The following ATP6V1B2 variants were observed in gnomAD, a reference collection of about 807,000 sequenced individuals.
ATP6V1B2 encodes ATPase H+ transporting V1 subunit B2, also known as V-type proton ATPase subunit B, brain isoform.
In ATP6V1B2, 23 loss-of-function variants were observed where a neutral mutation model predicts 66.7. The observed-to-expected ratio is 0.34, with a 90% confidence interval of 0.25 to 0.49. The LOEUF (loss-of-function observed/expected upper bound fraction) is 0.49. ATP6V1B2 is among the 20% of genes least tolerant of loss of function. ATP6V1B2 has a pLI of 0.99. For missense variants in ATP6V1B2, 478 were observed against 650.8 expected, an observed-to-expected ratio of 0.73 and a Z score of 2.89; for synonymous variants, 278 against 236.7, an observed-to-expected ratio of 1.17 and a Z score of -1.60.
At chr8:20,200,393 T>C (rs1360856024) in intron 1 of ATP6V1B2, among the ~76,000 whole-genome samples, 2 of 152,146 alleles carry the variant, frequency 1.3e-5, no homozygotes, top group Non-Finnish European at 1.5e-5. Flanking sequence ...GCCTGACACA[T>C]AGAATGTGCC....
intron 1 of ATP6V1B2, among the ~76,000 whole-genome samples, chr8:20,199,248 G>T (rs2072659317): frequency 6.6e-6 from 1 of 152,132 alleles, no homozygotes; most frequent in African/African-American, 2.4e-5. Context: ...TGTAGCATAG[G>T]GCTTCACACT....
At chr8:20,198,014 C>T (rs1430794315) in intron 1 of ATP6V1B2, among the ~76,000 whole-genome samples, 1 of 152,240 alleles carries the variant, frequency 6.6e-6, no homozygotes, top group African/African-American at 2.4e-5. Flanking sequence ...CTGACGTGGT[C>T]AGGCCTTTCG....
chr8:20,220,148 C>T, intron 13 of ATP6V1B2, 115 bp from the exon 14 acceptor site: 1 of 1,132,844 alleles, frequency 8.8e-7, no homozygotes. Flanking sequence ...GGAGTCCCAA[C>T]TTTTTTTTTT....
Position 20,220,528 on chromosome 8 carries a change from A to G in ATP6V1B2, c.*126A>G. The G allele has an allele frequency of 7.6e-7, 1 of 1,313,604 alleles. No individual in the cohort carries two copies. Among genetic ancestry groups the G allele is most frequent in the African/African-American group, 1.5e-5 (1 of 66,132 alleles). 81.4% of individuals were successfully genotyped at this position (1,313,604 alleles called of 1,614,324 possible). ...TGTTACCCTGTAATTAAAAACAAAG[A>G]ATAGGTAACATATTGTGCCAGTGTT... is the stretch of plus-strand genomic sequence containing the variant. On this transcript the variant is annotated 3_prime_UTR_variant, in exon 14 of 14. Coordinates refer to ENST00000276390, the MANE Select transcript of ATP6V1B2 (RefSeq NM_001693.4).
chr8:20,216,254 A>G, intron 10 of ATP6V1B2, 159 bp from the exon 11 acceptor site: 1 of 596,998 alleles, frequency 1.7e-6, no homozygotes, highest in Non-Finnish European at 3.0e-6. Flanking sequence ...GACACAGAAC[A>G]TTGGCAGCAT....
chr8:20,220,264 T>G lies in ATP6V1B2; in HGVS notation c.1398T>G (p.Gly466=). The part of the protein sequence containing the change: ...QKFERNFIAQ[G]PYENRTVFET... ...TTAATTCAATCTCAATTTTTTAAGG[T>G]CCTTACGAAAATCGCACTGTCTTTG... The change falls in exon 14 of 14, where the codon GGT becomes GGG. Residue 466 remains glycine, a splice_region_variant and synonymous_variant. Coordinates refer to ENST00000276390, the MANE Select transcript of ATP6V1B2 (RefSeq NM_001693.4). 6.2e-7 allele frequency: 1 copy of G among 1,601,822 alleles called. No homozygotes were observed. The highest frequency in any genetic ancestry group is 8.5e-7 in the Non-Finnish European group (1 of 1,176,508).
chr8:20,204,309 A>G (rs1428246659), intron 1 of ATP6V1B2, among the ~76,000 whole-genome samples, 175 bp from the exon 2 acceptor site: 1 of 152,236 alleles, frequency 6.6e-6, no homozygotes, highest in African/African-American at 2.4e-5. Flanking sequence ...GGATTATGAA[A>G]AGTTGTATAG....
chr8:20,201,933 G>A (rs1563802101), intron 1 of ATP6V1B2, among the ~76,000 whole-genome samples: 1 of 152,124 alleles, frequency 6.6e-6, no homozygotes, highest in Non-Finnish European at 1.5e-5. Flanking sequence ...GAATGCAGGG[G>A]CACTAGCTCA....
chr8:20,207,909 A>G (rs1381374822), intron 2 of ATP6V1B2, among the ~76,000 whole-genome samples: 1 of 152,236 alleles, frequency 6.6e-6, no homozygotes, highest in African/African-American at 2.4e-5. Context: ...TTCATAGGAA[A>G]TGAAGTCTGA....
chr8:20,212,561 C>T (rs537137863), intron 8 of ATP6V1B2, among the ~76,000 whole-genome samples: 13 of 152,280 alleles, frequency 8.5e-5, no homozygotes, highest in Admixed American at 1.3e-4. Flanking sequence ...GCCTGCCCCA[C>T]CCCAGTGTTG....
At chr8:20,214,068 G>A (rs928057979) in intron 9 of ATP6V1B2, 1 of 152,122 alleles carries the variant, frequency 6.6e-6, no homozygotes, top group Admixed American at 6.6e-5. Flanking sequence ...GATAACAGTT[G>A]GTCTGCAGAC....
At chr8:20,215,955 A>G (rs2128886493) in intron 10 of ATP6V1B2, 1 of 153,390 alleles carries the variant, frequency 6.5e-6, no homozygotes, top group East Asian at 1.9e-4. Flanking sequence ...AAATTTCTAT[A>G]AGGGAACTTT....
intron 2 of ATP6V1B2, among the ~76,000 whole-genome samples, chr8:20,206,475 T>G (rs902184552): frequency 6.6e-6 from 1 of 152,194 alleles, no homozygotes; most frequent in African/African-American, 2.4e-5. Flanking sequence ...GTTACAGAAC[T>G]CAGGAAAACC....
In ATP6V1B2 at chr8:20,197,700, T is replaced by C. The variant is rs2072643097; in HGVS notation, c.136+158T>C. Reference sequence around the variant, plus strand: ...CCACTTGTCTCTTTAGAAGGAGATTTGCCTGTACCTAATATTTCCAGGAGA... The same window carrying C: ...CCACTTGTCTCTTTAGAAGGAGATTCGCCTGTACCTAATATTTCCAGGAGA... On this transcript the variant is annotated intron_variant, in intron 1 of 13. Transcript: ENST00000276390. Among the ~76,000 whole-genome samples the C allele has an allele frequency of 3.9e-5, 6 of 152,324 alleles. No homozygotes were observed. The South Asian group carries it at 1.2e-3, about 32-fold the overall frequency.
In ATP6V1B2 at chr8:20,212,844, G is replaced by A; in HGVS notation, c.866G>A (p.Cys289Tyr). 1 of 1,613,770 alleles carries A rather than the reference G, an allele frequency of 6.2e-7. No individual in the cohort carries two copies. Among genetic ancestry groups the A allele is most frequent in the Non-Finnish European group, 8.5e-7 (1 of 1,179,770 alleles). ...ACAGCTGAATTTCTGGCGTACCAAT[G>A]TGAGAAACATGTATTGGTTATTCTA... ...LTTAEFLAYQ[C>Y]EKHVLVILTD... is the part of the protein sequence containing the mutation. The change falls in exon 9 of 14, where the codon TGT becomes TAT. Residue 289 changes from cysteine to tyrosine, a missense_variant. Cys to Tyr is a radical substitution (Grantham distance 194). Around this residue, in one of 2 missense-constraint regions of ATP6V1B2, gnomAD observed 326 missense variants for 545.6 expected, o/e 0.60. Coordinates refer to ENST00000276390, the MANE Select transcript of ATP6V1B2 (RefSeq NM_001693.4).
chr8:20,220,178 T>G, intron 13 of ATP6V1B2, 85 bp from the exon 14 acceptor site: 1 of 1,458,650 alleles, frequency 6.9e-7, no homozygotes, highest in Non-Finnish European at 9.2e-7. Flanking sequence ...TTTAATACAC[T>G]GCTAGTCATA....
intron 2 of ATP6V1B2, among the ~76,000 whole-genome samples, chr8:20,207,088 C>T (rs185303197): frequency 6.6e-6 from 1 of 152,174 alleles, no homozygotes; most frequent in Admixed American, 6.5e-5. Context: ...TAACTATTTA[C>T]AGAAAACTAT....
At chr8:20,201,946 T>C (rs1039448582) in intron 1 of ATP6V1B2, among the ~76,000 whole-genome samples, 3 of 152,040 alleles carry the variant, frequency 2.0e-5, no homozygotes. Context: ...CTAGCTCAGG[T>C]CTCTCTTCCT....
rs1022342365 is a variant in ATP6V1B2, at chr8:20,197,396, G to T, written c.-11G>T. On this transcript the variant is annotated 5_prime_UTR_variant, in exon 1 of 14. Coordinates refer to ENST00000276390, the MANE Select transcript of ATP6V1B2 (RefSeq NM_001693.4). Reference sequence around the variant, plus strand: ...CGTCGCTGCTGGGCCAGTCGGGACAGAGGAGACAAGATGGCGCTGCGGGCG... The same window carrying T: ...CGTCGCTGCTGGGCCAGTCGGGACATAGGAGACAAGATGGCGCTGCGGGCG... 6.5e-7 allele frequency: 1 copy of T among 1,531,408 alleles called. No homozygotes were observed. The highest frequency in any genetic ancestry group is 2.7e-5 in the East Asian group (1 of 36,722). 94.9% of individuals were successfully genotyped at this position (1,531,408 alleles called of 1,614,324 possible).
Sources: allele counts gnomAD v4.1 joint callset (sites outside exome capture counted in the v4.1 genomes callset), GRCh38; gene constraint gnomAD v4.1.1; regional missense constraint gnomAD v4.1.1; transcripts MANE v1.5; gene names NCBI Gene and HGNC (gene_info 2026-07-23, HGNC 2026-07-21).